SGCZ: variants seen among roughly 807,000 people sequenced by gnomAD.
SGCZ encodes zeta-sarcoglycan.
A neutral mutation model predicts 41.3 loss-of-function variants in SGCZ; 40 were observed. The observed-to-expected ratio is 0.97, with a 90% CI of 0.75 to 1.26. SGCZ has a LOEUF of 1.26. SGCZ is among the 50% of genes most tolerant of loss of function. The pLI is 0.00. For missense variants in SGCZ, 552 were observed against 369.8 expected, an observed-to-expected ratio of 1.49 and a Z score of -4.04; for synonymous variants, 206 against 137.5, an observed-to-expected ratio of 1.50 and a Z score of -3.49.
chr8:14,441,993 C>G (rs993834096), intron 2 of SGCZ, among the ~76,000 whole-genome samples: 2 of 152,194 alleles, frequency 1.3e-5, no homozygotes, highest in African/African-American at 2.4e-5. Flanking sequence ...CTTACTTTTT[C>G]TGAAAGCCAT....
chr8:15,037,415 G>A (rs80014725), intron 1 of SGCZ, among the ~76,000 whole-genome samples: 4,405 of 152,254 alleles, frequency 0.029, 92 homozygotes, highest in South Asian at 0.056. Flanking sequence ...AGAACTGTTA[G>A]TCAATTAAAC....
chr8:14,110,542 T>C (rs111494202), intron 5 of SGCZ, among the ~76,000 whole-genome samples: 2 of 152,234 alleles, frequency 1.3e-5, no homozygotes, highest in African/African-American at 2.4e-5. Flanking sequence ...GAAATAAATA[T>C]GTAATCATAC....
chr8:14,959,298 A>T (rs1051224446), intron 1 of SGCZ, among the ~76,000 whole-genome samples: 1 of 152,118 alleles, frequency 6.6e-6, no homozygotes, highest in East Asian at 1.9e-4. Flanking sequence ...CATATTCATG[A>T]TTCCTTTATA....
intron 1 of SGCZ, among the ~76,000 whole-genome samples, chr8:14,788,418 T>A (rs948124695): frequency 6.6e-6 from 1 of 152,210 alleles, no homozygotes; most frequent in Non-Finnish European, 1.5e-5. Flanking sequence ...CAGAAATGTC[T>A]GTGGAAATCA....
intron 1 of SGCZ, among the ~76,000 whole-genome samples, chr8:14,598,806 G>GGGA (rs1805496644): frequency 6.6e-6 from 1 of 152,012 alleles, no homozygotes; most frequent in Non-Finnish European, 1.5e-5. Flanking sequence ...TGAGATTACA[G>GGGA]GTATGAGGCA....
intron 1 of SGCZ, among the ~76,000 whole-genome samples, chr8:14,569,151 G>A (rs1237008777): frequency 6.6e-6 from 1 of 152,084 alleles, no homozygotes; most frequent in African/African-American, 2.4e-5. Context: ...GGAGGCTTCT[G>A]AATCACATTA....
chr8:15,110,122 G>A lies in SGCZ; in HGVS notation c.39+127463C>T, dbSNP rs17120928. Among the ~76,000 whole-genome samples the A allele has an allele frequency of 4.1e-3, 622 of 152,192 alleles. 5 individuals are homozygous for A. The highest frequency in any genetic ancestry group is 0.014 in the African/African-American group (584 of 41,518). On this transcript the variant is annotated intron_variant, in intron 1 of 7. Transcript: ENST00000382080. The stretch of plus-strand genomic sequence containing the variant: ...TCTAGAGTGAATTCATAAAGCCAAT[G>A]GCACGTTAGTGAGAATATTAAATGG...
intron 1 of SGCZ, among the ~76,000 whole-genome samples, chr8:14,767,996 A>C (rs1454785136): frequency 6.6e-6 from 1 of 152,186 alleles, no homozygotes; most frequent in East Asian, 1.9e-4. Flanking sequence ...TCCTCCATGT[A>C]ATATGCCGAG....
intron 3 of SGCZ, among the ~76,000 whole-genome samples, chr8:14,294,899 C>A (rs548688402): frequency 5.9e-5 from 9 of 152,022 alleles, no homozygotes; most frequent in Non-Finnish European, 8.8e-5. Context: ...ATAATAATAA[C>A]AACAATTCTG....
intron 4 of SGCZ, 151 bp from the exon 5 acceptor site, chr8:14,164,853 A>C (rs531291997): frequency 2.8e-6 from 3 of 1,064,274 alleles, no homozygotes; most frequent in East Asian, 5.4e-5. Context: ...TTAAATTGTC[A>C]CCATTTTCAG....
chr8:14,206,276 T>C (rs1025748794), intron 4 of SGCZ, among the ~76,000 whole-genome samples: 6 of 152,248 alleles, frequency 3.9e-5, no homozygotes, highest in Admixed American at 3.9e-4. Context: ...AACTCAGAAA[T>C]TACAAGCCTT....
intron 3 of SGCZ, among the ~76,000 whole-genome samples, chr8:14,275,709 A>C (rs971399414): frequency 6.6e-6 from 1 of 152,122 alleles, no homozygotes; most frequent in Non-Finnish European, 1.5e-5. Context: ...GATTCAGTGA[A>C]GACAACAGCC....
At chr8:14,273,639 A>G (rs1239053293) in intron 3 of SGCZ, among the ~76,000 whole-genome samples, 2 of 152,222 alleles carry the variant, frequency 1.3e-5, no homozygotes, top group Non-Finnish European at 1.5e-5. Context: ...ACCTTTAACA[A>G]GAAAATCCAA....
chr8:14,791,922 T>G (rs1423324433), intron 1 of SGCZ, among the ~76,000 whole-genome samples: 2 of 152,214 alleles, frequency 1.3e-5, no homozygotes, highest in African/African-American at 4.8e-5. Context: ...ACTTTCTCAA[T>G]GCAAAGCACA....
intron 1 of SGCZ, among the ~76,000 whole-genome samples, chr8:14,623,043 C>G (rs923130115): frequency 1.3e-5 from 2 of 152,136 alleles, no homozygotes; most frequent in Non-Finnish European, 2.9e-5. Flanking sequence ...GCAGAATTCT[C>G]TCCAGGAACA....
intron 3 of SGCZ, among the ~76,000 whole-genome samples, chr8:14,302,259 T>C (rs1306307989): frequency 6.6e-6 from 1 of 152,176 alleles, no homozygotes; most frequent in Non-Finnish European, 1.5e-5. Context: ...TAAACATTTC[T>C]GCAAAAACAC....
At chr8:14,140,794 T>C (rs1436111917) in intron 5 of SGCZ, among the ~76,000 whole-genome samples, 1 of 152,150 alleles carries the variant, frequency 6.6e-6, no homozygotes, top group African/African-American at 2.4e-5. Flanking sequence ...TACCAATGCC[T>C]TTCTTCACAG....
At chr8:14,732,691 C>T (rs1798902809) in intron 1 of SGCZ, among the ~76,000 whole-genome samples, 1 of 152,132 alleles carries the variant, frequency 6.6e-6, no homozygotes, top group Non-Finnish European at 1.5e-5. Flanking sequence ...CCGAATAGGT[C>T]TTTTCCTTCC....
At chr8:14,679,403 G>C (rs549538019) in intron 1 of SGCZ, among the ~76,000 whole-genome samples, 83 of 151,678 alleles carry the variant, frequency 5.5e-4, no homozygotes, top group Non-Finnish European at 8.8e-4. Context: ...GATGTACAGG[G>C]GGAAGACAGT....
Sources: allele counts gnomAD v4.1 joint callset (sites outside exome capture counted in the v4.1 genomes callset), GRCh38; gene constraint gnomAD v4.1.1; transcripts MANE v1.5; gene names NCBI Gene and HGNC (gene_info 2026-07-23, HGNC 2026-07-21).